GGCT: variants seen among roughly 807,000 people sequenced by gnomAD.
GGCT encodes gamma-glutamylcyclotransferase, also known as cytochrome c-releasing factor 21.
A neutral mutation model predicts 22.1 loss-of-function variants in GGCT; 20 were observed. The ratio of observed to expected loss-of-function variants is 0.91; its 90% confidence interval spans 0.64 to 1.32. The LOEUF (loss-of-function observed/expected upper bound fraction) is 1.32, where lower values mean the gene tolerates loss of function less well. GGCT is among the 40% of genes most tolerant of loss of function. The probability of loss-of-function intolerance (pLI) is 0.00; values close to 1 mark genes in which losing one functional copy is unlikely to be tolerated. For missense variants in GGCT, 209 were observed against 223.5 expected, an observed-to-expected ratio of 0.94 and a Z score of 0.41; for synonymous variants, 72 against 78.4, an observed-to-expected ratio of 0.92 and a Z score of 0.43.
chr7:30,498,918 C>G lies in GGCT; in HGVS notation c.308G>C (p.Gly103Ala). 1 of 1,613,878 alleles carries G rather than the reference C, an allele frequency of 6.2e-7. No homozygotes were observed. The highest frequency in any genetic ancestry group is 8.5e-7 in the Non-Finnish European group (1 of 1,179,842). ...TTTAACTTCTATTACAACATACATT[C>G]CACTTTTAACCCCTTCTTGCCTGAA... ...SLDEQEGVKS[G>A]MYVVIEVKVA... is the part of the protein sequence containing the mutation. The change falls in exon 3 of 4, where the codon GGA becomes GCA. Residue 103 changes from glycine (G) to alanine (A), a missense_variant. Transcript: ENST00000275428.
intron 1 of GGCT, among the ~76,000 whole-genome samples, chr7:30,501,473 A>G (rs1234780189): frequency 3.3e-5 from 5 of 152,212 alleles, no homozygotes. Context: ...AGCAATAAAC[A>G]CTGTGGGTTA....
intron 1 of GGCT, among the ~76,000 whole-genome samples, chr7:30,503,458 A>C (rs559264514): frequency 3.3e-5 from 5 of 152,176 alleles, no homozygotes; most frequent in South Asian, 2.1e-4. Flanking sequence ...AAACTTAGCC[A>C]ATCGGGACAT....
At chr7:30,499,280 G>A (rs774169932) in intron 2 of GGCT, among the ~76,000 whole-genome samples, 5 of 151,768 alleles carry the variant, frequency 3.3e-5, no homozygotes, top group East Asian at 3.9e-4. Flanking sequence ...GGTGGTGGGC[G>A]CCTATAGTCC....
In GGCT at chr7:30,497,014, C is replaced by T. The variant is rs746955811; in HGVS notation, c.*78G>A. The T allele has an allele frequency of 3.3e-5, 30 of 921,020 alleles. No individual in the cohort carries two copies. The highest frequency in any genetic ancestry group is 4.4e-5 in the Non-Finnish European group (27 of 617,478). The allele number at this position is 921,020 out of a possible 1,614,324, so 57.1% of individuals were successfully genotyped here. A position where few individuals can be genotyped will look rare whatever the true frequency, so the allele number is the denominator to read the frequency against. The stretch of plus-strand genomic sequence containing the variant: ...TGAAAATGGATCAAACGTGGAGATC[C>T]CCCAGATCCCTGTTCTCAAGTGTTA... On this transcript the variant is annotated 3_prime_UTR_variant, in exon 4 of 4. Coordinates refer to ENST00000275428, the MANE Select transcript of GGCT (RefSeq NM_024051.4).
chr7:30,503,823 T>C (rs1220567144), intron 1 of GGCT, among the ~76,000 whole-genome samples: 1 of 148,142 alleles, frequency 6.8e-6, no homozygotes, highest in Non-Finnish European at 1.5e-5. Flanking sequence ...AATCAGCCAG[T>C]TTCTGTTGCT....
intron 2 of GGCT, among the ~76,000 whole-genome samples, chr7:30,500,315 T>C (rs1025457458): frequency 6.6e-6 from 1 of 152,234 alleles, no homozygotes; most frequent in African/African-American, 2.4e-5. Context: ...ATCTTTTACA[T>C]AAGAGATTAC....
intron 1 of GGCT, among the ~76,000 whole-genome samples, chr7:30,501,685 G>T (rs779802686): frequency 7.9e-5 from 12 of 152,110 alleles, no homozygotes; most frequent in Non-Finnish European, 1.8e-4. Flanking sequence ...GGCTTATTTG[G>T]TCTAGGAAGA....
chr7:30,502,649 C>T (rs1655107623), intron 1 of GGCT, among the ~76,000 whole-genome samples: 1 of 152,198 alleles, frequency 6.6e-6, no homozygotes, highest in Admixed American at 6.5e-5. Flanking sequence ...GCAAACATCA[C>T]CTGCATCTAC....
intron 3 of GGCT, among the ~76,000 whole-genome samples, chr7:30,498,412 A>G (rs993894962): frequency 1.6e-4 from 25 of 152,102 alleles, no homozygotes; most frequent in Non-Finnish European, 3.5e-4. Flanking sequence ...AACATACAAA[A>G]CCTTTTATTT....
rs1789786183 is a variant in GGCT, at chr7:30,504,599, C to A, written c.111G>T (p.Ser37=). 1 of 1,613,856 alleles carries A rather than the reference C, an allele frequency of 6.2e-7. No individual in the cohort carries two copies. The highest frequency in any genetic ancestry group is 1.3e-5 in the African/African-American group (1 of 74,944). Residue 37 remains serine, a synonymous_variant, in exon 1 of 4, where the codon TCG becomes TCT. Transcript: ENST00000275428. ...GGCGGGCCACACAGAAGAACGCCGCCGAGGGGTTTCGGAGGTGGATCCTCT... is the reference window on the plus strand; with the variant it reads ...GGCGGGCCACACAGAAGAACGCCGCAGAGGGGTTTCGGAGGTGGATCCTCT... The part of the protein sequence containing the change: ...LTERIHLRNP[S]AAFFCVARLQ...
At position 30,504,652 on chromosome 7, in the gene GGCT, A is replaced by G. The variant is rs141333617; in HGVS notation, c.58T>C (p.Phe20Leu). 4.3e-6 allele frequency: 7 copies of G among 1,614,004 alleles called. No individual in the cohort carries two copies. In the African/African-American group the frequency reaches 9.3e-5, roughly 22 times the overall value. ...GTCAGCAGGTTGCTGCCGTAGGCAA[A>G]GTACAGAAAACTCTCCTCATCTGGA... Reference protein sequence around the residue: ...TGPDEESFLYFAYGSNLLTER... With the variant: ...TGPDEESFLYLAYGSNLLTER... Residue 20 changes from phenylalanine to leucine, a missense_variant, in exon 1 of 4, where the codon TTT (phenylalanine) becomes CTT (leucine). Phe to Leu is a conservative substitution (Grantham distance 22). Transcript: ENST00000275428.
At chr7:30,499,142 T>C in intron 2 of GGCT, 1 of 567,514 alleles carries the variant, frequency 1.8e-6, no homozygotes, top group Non-Finnish European at 3.2e-6. Context: ...CTGGGTACGG[T>C]GGCTCACATC....
chr7:30,500,506 C>A (rs1422312235), intron 2 of GGCT, 30 bp downstream of exon 2: 1 of 1,572,622 alleles, frequency 6.4e-7, no homozygotes, highest in Non-Finnish European at 8.7e-7. Flanking sequence ...GAATTAATTA[C>A]TGTTTAACTT....
intron 3 of GGCT, 83 bp from the exon 4 acceptor site, chr7:30,497,318 C>G: frequency 2.0e-6 from 2 of 985,988 alleles, no homozygotes; most frequent in Non-Finnish European, 3.0e-6. Context: ...GCTTTATTTG[C>G]CTTCTCAAAG....
In GGCT at chr7:30,496,867, CATTT is replaced by C. The variant is rs1197771681; in HGVS notation, c.*221_*224del. ...TGTTCACAGAAGGGGTACTCACATT[CATTT>C]GTCACATATTTCAGGCCCTCATACA... On this transcript the variant is annotated 3_prime_UTR_variant, in exon 4 of 4. Transcript: ENST00000275428. The C allele has an allele frequency of 1.8e-5, 6 of 332,510 alleles. No individual in the cohort carries two copies. The highest frequency in any genetic ancestry group is 3.3e-5 in the Non-Finnish European group (6 of 184,038). 20.6% of individuals were successfully genotyped at this position (332,510 alleles called of 1,614,324 possible).
At chr7:30,498,734 A>C in intron 3 of GGCT, 69 bp downstream of exon 3, 1 of 1,396,578 alleles carries the variant, frequency 7.2e-7, no homozygotes, top group Non-Finnish European at 9.9e-7. Context: ...TCTTTTAAAA[A>C]CAATATATTC....
At chr7:30,498,082 G>C (rs1789601366) in intron 3 of GGCT, among the ~76,000 whole-genome samples, 1 of 145,080 alleles carries the variant, frequency 6.9e-6, no homozygotes, top group African/African-American at 2.5e-5. Flanking sequence ...GAAAGAGAAA[G>C]AGAGAGAGAC....
intron 3 of GGCT, 42 bp from the exon 4 acceptor site, chr7:30,497,277 T>G: frequency 6.6e-7 from 1 of 1,504,504 alleles, no homozygotes; most frequent in African/African-American, 1.4e-5. Context: ...ACCCTTTCAG[T>G]TAGGAATATA....
intron 3 of GGCT, 97 bp downstream of exon 3, chr7:30,498,706 A>T: frequency 9.0e-7 from 1 of 1,107,112 alleles, no homozygotes; most frequent in Non-Finnish European, 1.3e-6. Flanking sequence ...GGCATGAGCC[A>T]CCACGTTGGG....
Sources: gnomAD v4.1 joint callset for allele counts (sites outside exome capture counted in the v4.1 genomes callset) on GRCh38, gnomAD v4.1.1 for gene constraint, MANE v1.5 for transcripts, NCBI Gene and HGNC (gene_info 2026-07-23, HGNC 2026-07-21) for gene names.